The following FRAS1 variants were observed in gnomAD, a reference collection of about 807,000 sequenced individuals.
The protein encoded by FRAS1 is extracellular matrix organizing protein FRAS1.
A neutral mutation model predicts 435.2 loss-of-function variants in FRAS1; 290 were observed. The ratio of observed to expected loss-of-function variants is 0.67; its 90% CI spans 0.61 to 0.73. The LOEUF (loss-of-function observed/expected upper bound fraction) is 0.73. Among genes scored for constraint, FRAS1 ranks in the 30% least tolerant of loss-of-function variants. The probability of loss-of-function intolerance (pLI) is 0.00; values close to 1 mark genes in which losing one functional copy is unlikely to be tolerated. For synonymous variants in FRAS1, 1,800 were observed against 1,851.0 expected (o/e 0.97, Z 0.71); for missense variants, 4,860 against 5,001.5 (o/e 0.97, Z 0.85).
chr4:78,267,852 G>C (rs980175916), intron 9 of FRAS1, among the ~76,000 whole-genome samples: 2 of 152,202 alleles, frequency 1.3e-5, no homozygotes, highest in African/African-American at 4.8e-5. Context: ...TTAGCAGAAC[G>C]AGAGCCAGCA....
chr4:78,214,306 A>G (rs905194355), intron 2 of FRAS1, among the ~76,000 whole-genome samples: 7 of 152,204 alleles, frequency 4.6e-5, no homozygotes, highest in African/African-American at 1.2e-4. Flanking sequence ...TAAATTCTGT[A>G]TCTGTCTTGA....
chr4:78,430,238 A>T, intron 36 of FRAS1, 54 bp from the exon 37 acceptor site: 1 of 1,610,220 alleles, frequency 6.2e-7, no homozygotes, highest in Non-Finnish European at 8.5e-7. Context: ...TATATAGTCT[A>T]TCGTCTTTAA....
At chr4:78,255,203 G>A in intron 5 of FRAS1, 39 bp from the exon 6 acceptor site, 2 of 1,550,866 alleles carry the variant, frequency 1.3e-6, no homozygotes, top group Non-Finnish European at 1.7e-6. Context: ...ATCAACAAAT[G>A]CCATCCCCCT....
intron 2 of FRAS1, among the ~76,000 whole-genome samples, chr4:78,124,067 T>A (rs1044858301): frequency 1.3e-5 from 2 of 152,194 alleles, no homozygotes; most frequent in African/African-American, 2.4e-5. Flanking sequence ...TCAAAGGGAA[T>A]GCTTCCAGTT....
intron 46 of FRAS1, 78 bp downstream of exon 46, chr4:78,451,969 C>G (rs897852524): frequency 7.0e-7 from 1 of 1,429,524 alleles, no homozygotes; most frequent in African/African-American, 1.4e-5. Flanking sequence ...TTGTTCACCT[C>G]GAGGCTCGAG....
chr4:78,410,249 T>G (rs1733280289), intron 31 of FRAS1, among the ~76,000 whole-genome samples: 1 of 152,152 alleles, frequency 6.6e-6, no homozygotes, highest in South Asian at 2.1e-4. Context: ...TTTGATTGCT[T>G]TTGTAATTTG....
rs1290079903 is a variant in FRAS1 at position 78,375,840 on chromosome 4, C to T, written c.3253C>T (p.Pro1085Ser). The T allele has an allele frequency of 6.2e-7, 1 of 1,613,788 alleles. No homozygotes were observed. Among genetic ancestry groups the T allele is most frequent in the East Asian group, 2.2e-5 (1 of 44,874 alleles). Reference protein sequence around the residue: ...KSGLCVYNCVPGFSVHTSNET... With the variant: ...KSGLCVYNCVSGFSVHTSNET... The stretch of plus-strand genomic sequence containing the variant: ...TGGCCTCTGTGTTTACAACTGTGTT[C>T]CTGGCTTTTCTGTCCACACCTCTAA... The change falls in exon 26 of 74, where the codon CCT becomes TCT. Residue 1085 changes from proline (P) to serine (S), a missense_variant. By Grantham distance (74) the Pro-to-Ser change is moderately conservative. Transcript: ENST00000512123.
chr4:78,346,475 C>G (rs558102677), intron 20 of FRAS1, among the ~76,000 whole-genome samples: 1 of 152,156 alleles, frequency 6.6e-6, no homozygotes, highest in African/African-American at 2.4e-5. Flanking sequence ...ATCCAAGGAG[C>G]GCACTTCAGA....
intron 2 of FRAS1, among the ~76,000 whole-genome samples, chr4:78,179,666 T>A (rs1410618093): frequency 6.6e-6 from 1 of 152,212 alleles, no homozygotes; most frequent in Non-Finnish European, 1.5e-5. Flanking sequence ...TCTAAGGGAA[T>A]TGACTTTCAT....
intron 14 of FRAS1, among the ~76,000 whole-genome samples, chr4:78,301,463 A>T (rs1728389448): frequency 6.6e-6 from 1 of 152,194 alleles, no homozygotes; most frequent in Middle Eastern, 3.2e-3. Context: ...GGTATAAGAG[A>T]AAAGCAAGCT....
intron 63 of FRAS1, among the ~76,000 whole-genome samples, chr4:78,510,127 C>T (rs1320807167): frequency 2.6e-5 from 4 of 152,182 alleles, no homozygotes; most frequent in African/African-American, 9.7e-5. Flanking sequence ...AAAAAATCAA[C>T]ATGGCAAGAA....
chr4:78,168,914 C>G (rs1336240355), intron 2 of FRAS1, among the ~76,000 whole-genome samples: 1 of 152,042 alleles, frequency 6.6e-6, no homozygotes, highest in Non-Finnish European at 1.5e-5. Context: ...TATGAGGGTG[C>G]TTTGTGTGCA....
chr4:78,320,546 A>G (rs1032580119), intron 18 of FRAS1, among the ~76,000 whole-genome samples: 1 of 152,124 alleles, frequency 6.6e-6, no homozygotes, highest in African/African-American at 2.4e-5. Flanking sequence ...GCTTTCTGGC[A>G]AAACCTATGT....
At chr4:78,124,664 T>A (rs919868527) in intron 2 of FRAS1, among the ~76,000 whole-genome samples, 2 of 152,186 alleles carry the variant, frequency 1.3e-5, no homozygotes, top group African/African-American at 4.8e-5. Flanking sequence ...GTGTTTCTGA[T>A]CTATGCAGAG....
intron 29 of FRAS1, among the ~76,000 whole-genome samples, chr4:78,400,169 G>A (rs996379858): frequency 5.3e-5 from 8 of 152,180 alleles, no homozygotes; most frequent in Admixed American, 1.3e-4. Flanking sequence ...CAATTTTTTT[G>A]TTATTCAAAA....
intron 11 of FRAS1, among the ~76,000 whole-genome samples, chr4:78,281,674 C>T (rs1354481077): frequency 6.6e-6 from 1 of 152,190 alleles, no homozygotes; most frequent in Non-Finnish European, 1.5e-5. Context: ...CAAGCTCCTA[C>T]ATAGATTCTT....
intron 47 of FRAS1, among the ~76,000 whole-genome samples, chr4:78,453,763 A>C (rs972949102): frequency 4.0e-5 from 6 of 151,352 alleles, no homozygotes; most frequent in African/African-American, 1.5e-4. Flanking sequence ...CATACACTGC[A>C]CTGCAGCTTG....
At chr4:78,422,692 G>A (rs751979826) in intron 34 of FRAS1, among the ~76,000 whole-genome samples, 1 of 152,202 alleles carries the variant, frequency 6.6e-6, no homozygotes, top group Non-Finnish European at 1.5e-5. Flanking sequence ...AAGGATTTGG[G>A]TTGTTATCCC....
Position 78,181,154 on chromosome 4 carries a change from T to G in FRAS1, c.109-56356T>G. ...CTTCTTCCACTGCCCATCAGCACCT[T>G]CATTTGGTTTTCAGATATTAAATTC... On this transcript the variant is annotated intron_variant, in intron 2 of 73. Transcript: ENST00000512123. The G allele has an allele frequency of 1.9e-6, 3 of 1,589,802 alleles. No individual in the cohort carries two copies. The Admixed American group carries it at 5.0e-5, about 27-fold the overall frequency.
Sources: allele counts gnomAD v4.1 joint callset (sites outside exome capture counted in the v4.1 genomes callset), GRCh38; gene constraint gnomAD v4.1.1; transcripts MANE v1.5; gene names NCBI Gene and HGNC (gene_info 2026-07-23, HGNC 2026-07-21).